The following ITGAL variants were observed in gnomAD, a reference collection of about 807,000 sequenced individuals.
The protein encoded by ITGAL is integrin subunit alpha L, also known as integrin alpha-L.
ITGAL carries 68 observed loss-of-function variants against 138.4 expected under a neutral mutation model. That is an observed-to-expected ratio of 0.49 (90% CI 0.40 to 0.60). The LOEUF (loss-of-function observed/expected upper bound fraction) is 0.60, where lower values mean the gene tolerates loss of function less well. Among genes scored for constraint, ITGAL ranks in the 20% least tolerant of loss-of-function variants. The probability of loss-of-function intolerance (pLI) is 0.00; values close to 1 mark genes in which losing one functional copy is unlikely to be tolerated. For synonymous variants in ITGAL, 561 were observed against 584.3 expected (o/e 0.96, Z 0.57); for missense variants, 1,256 against 1,478.6 (o/e 0.85, Z 2.47).
rs776894895 is a variant in ITGAL, at chr16:30,496,230, A to G, written c.1637A>G (p.Glu546Gly). The G allele has an allele frequency of 8.1e-6, 13 of 1,612,760 alleles. No individual in the cohort carries two copies. The South Asian group carries it at 1.3e-4, about 16-fold the overall frequency. The change falls in exon 14 of 31, where the codon GAG becomes GGG. Residue 546 changes from glutamate (E) to glycine (G), a missense_variant. By Grantham distance (98) the Glu-to-Gly change is moderately conservative. This residue lies in a region of ITGAL where 867 missense variants were observed against 972.5 expected (regional missense o/e 0.89). Transcript: ENST00000356798. Reference protein sequence around the residue: ...LVDVAVGAPLEEQGAVYIFNG... With the variant: ...LVDVAVGAPLGEQGAVYIFNG... ...GACGTGGCTGTGGGGGCCCCTCTGG[A>G]GGAGCAGGGGGCTGTGTACATCTTC...
chr16:30,506,533 T>G (rs2050999577), intron 20 of ITGAL, among the ~76,000 whole-genome samples, 182 bp from the exon 21 acceptor site: 1 of 115,270 alleles, frequency 8.7e-6, no homozygotes, highest in Non-Finnish European at 1.6e-5. Flanking sequence ...CACTCCAGCC[T>G]GGGTGACAGA....
intron 1 of ITGAL, among the ~76,000 whole-genome samples, chr16:30,473,787 T>C (rs1047379096): frequency 7.9e-5 from 12 of 152,038 alleles, no homozygotes; most frequent in African/African-American, 2.7e-4. Context: ...TCTGAGACTG[T>C]GGGAGGAGGC....
At position 30,496,189 on chromosome 16, in the gene ITGAL, C is replaced by T. The variant is rs751774686; in HGVS notation, c.1596C>T (p.Asn532=). The change falls in exon 14 of 31, where the codon AAC becomes AAT. Residue 532 remains asparagine, a synonymous_variant. Transcript: ENST00000356798. ...CCATCACTGCTCTGACAGACATCAA[C>T]GGCGATGGGCTGGTAGACGTGGCTG... is the stretch of plus-strand genomic sequence containing the variant. ...GEAITALTDI[N]GDGLVDVAVG... is the part of the protein sequence containing the mutation. 3.3e-5 allele frequency: 54 copies of T among 1,613,884 alleles called. No individual in the cohort carries two copies. In the East Asian group the frequency reaches 4.5e-4, roughly 13 times the overall value.
At position 30,519,886 on chromosome 16, in the gene ITGAL, G is replaced by A. The variant is rs1353973756; in HGVS notation, c.3258G>A (p.Glu1086=). ...QVVMKVDVVY[E]KQMLYLYVLS... ...TCATGAAGGTTGACGTGGTGTATGAGAAGCAGATGCTCTACCTCTACGTGC... is the reference window on the plus strand; with the variant it reads ...TCATGAAGGTTGACGTGGTGTATGAAAAGCAGATGCTCTACCTCTACGTGC... The change falls in exon 30 of 31, where the codon GAG becomes GAA. Residue 1086 remains glutamate, a synonymous_variant. Transcript: ENST00000356798. The A allele has an allele frequency of 2.5e-6, 4 of 1,614,000 alleles. No homozygotes were observed. The highest frequency in any genetic ancestry group is 3.4e-6 in the Non-Finnish European group (4 of 1,179,932).
Position 30,484,260 on chromosome 16 carries a change from G to T in ITGAL, c.1003G>T (p.Glu335Ter). Residue 335 changes from glutamate to a stop codon, truncating the protein, a stop_gained, in exon 9 of 31, where the codon GAG becomes TAG. Coordinates refer to ENST00000356798, the MANE Select transcript of ITGAL (RefSeq NM_002209.3). LOFTEE classifies it high-confidence loss of function. ...GCTGCAGAAGAAGATCTATGTCATTGAGGGTGAGTGGCAGGCCCTGGGAGA... is the reference window on the plus strand; with the variant it reads ...GCTGCAGAAGAAGATCTATGTCATTTAGGGTGAGTGGCAGGCCCTGGGAGA... ...TELQKKIYVIEGTSKQDLTSF... is the reference protein window; with the variant it reads ...TELQKKIYVI 1.2e-6 allele frequency: 2 copies of T among 1,612,620 alleles called. No individual in the cohort carries two copies. Among genetic ancestry groups the T allele is most frequent in the Non-Finnish European group, 8.5e-7 (1 of 1,178,900 alleles).
intron 17 of ITGAL, among the ~76,000 whole-genome samples, chr16:30,501,632 T>C (rs578235719): frequency 4.4e-4 from 66 of 151,644 alleles, no homozygotes; most frequent in Admixed American, 1.2e-3. Context: ...TCAATCATCA[T>C]GGTATGTTGT....
At chr16:30,517,604 C>G in intron 26 of ITGAL, 45 bp from the exon 27 acceptor site, 1 of 1,551,608 alleles carries the variant, frequency 6.4e-7, no homozygotes, top group Non-Finnish European at 8.9e-7. Flanking sequence ...AGTGTCTTAT[C>G]TGGGTTGGGG....
At chr16:30,473,056 G>A (rs751043529) in intron 1 of ITGAL, among the ~76,000 whole-genome samples, 158 bp downstream of exon 1, 1 of 152,062 alleles carries the variant, frequency 6.6e-6, no homozygotes, top group Non-Finnish European at 1.5e-5. Context: ...AGGGGAGAGT[G>A]GGGAAATAAA....
chr16:30,496,044 T>C (rs1168848220), intron 13 of ITGAL, 53 bp from the exon 14 acceptor site: 5 of 1,400,780 alleles, frequency 3.6e-6, no homozygotes, highest in Non-Finnish European at 5.1e-6. Flanking sequence ...TCAGTTGTTC[T>C]GTGACAGCAT....
intron 2 of ITGAL, 76 bp downstream of exon 2, chr16:30,474,374 C>A: frequency 9.7e-7 from 1 of 1,031,146 alleles, no homozygotes. Flanking sequence ...GCCTCCCCGA[C>A]CCTCGCCTGG....
chr16:30,475,475 G>C (rs777822252), intron 3 of ITGAL, 38 bp from the exon 4 acceptor site: 3 of 1,604,410 alleles, frequency 1.9e-6, no homozygotes, highest in Non-Finnish European at 2.6e-6. Context: ...CACCTAGACT[G>C]CCTGAGCTCC....
intron 15 of ITGAL, among the ~76,000 whole-genome samples, chr16:30,498,540 G>A (rs1365418348): frequency 6.6e-6 from 1 of 152,166 alleles, no homozygotes; most frequent in Non-Finnish European, 1.5e-5. Context: ...CTTCCTAAGA[G>A]CTTTCTCTTC....
chr16:30,473,845 G>A (rs542378044), intron 1 of ITGAL: 603 of 456,276 alleles, frequency 1.3e-3, no homozygotes, highest in Non-Finnish European at 1.9e-3. Context: ...AGGCGCACCC[G>A]GCTCGGGGGC....
chr16:30,519,298 G>A (rs566949876), intron 29 of ITGAL, among the ~76,000 whole-genome samples: 16 of 151,986 alleles, frequency 1.1e-4, no homozygotes, highest in South Asian at 1.0e-3. Context: ...TGGGAGGATC[G>A]TTTGAGCACA....
intron 28 of ITGAL, 58 bp downstream of exon 28, chr16:30,517,953 G>A (rs1267948791): frequency 2.0e-5 from 28 of 1,377,336 alleles, no homozygotes; most frequent in Middle Eastern, 2.3e-4. Context: ...GCCTGGGGCC[G>A]TTGTGGGTGG....
In ITGAL at chr16:30,489,270, G is replaced by C. The variant is rs759219429; in HGVS notation, c.1097G>C (p.Gly366Ala). 4 of 1,614,082 alleles carry C rather than the reference G, an allele frequency of 2.5e-6. No individual in the cohort carries two copies. Among genetic ancestry groups the C allele is most frequent in the Non-Finnish European group, 3.4e-6 (4 of 1,179,914 alleles). ...ADLSRGHAVV[G>A]AVGAKDWAGG... The stretch of plus-strand genomic sequence containing the variant: ...CCTGGGCAGGGCCATGCAGTCGTGG[G>C]GGCAGTAGGAGCCAAGGACTGGGCT... The change falls in exon 11 of 31, where the codon GGG becomes GCG. Residue 366 changes from glycine to alanine, a missense_variant. Gly to Ala is a moderately conservative substitution (Grantham distance 60). Around this residue, in one of 3 missense-constraint regions of ITGAL, gnomAD observed 177 missense variants for 288.8 expected, o/e 0.61. Transcript: ENST00000356798.
In ITGAL at chr16:30,494,264, G is replaced by A. The variant is rs752228822; in HGVS notation, c.1266G>A (p.Ser422=). The change falls in exon 12 of 31, where the codon TCG becomes TCA. Residue 422 remains serine (S), a synonymous_variant. Coordinates refer to ENST00000356798, the MANE Select transcript of ITGAL (RefSeq NM_002209.3). This position sits in a 1 kb window ranked among gnomAD's most constrained non-coding sequence, Gnocchi z 4.2. ...PSRQKTSLLA[S]GAPRYQHMGR... is the part of the protein sequence containing the mutation. Reference sequence around the variant, plus strand: ...GGCAAAAGACTTCGTTGCTGGCCTCGGGAGCCCCTCGATACCAGCACATGG... The same window carrying A: ...GGCAAAAGACTTCGTTGCTGGCCTCAGGAGCCCCTCGATACCAGCACATGG... 8 of 1,612,892 alleles carry A rather than the reference G, an allele frequency of 5.0e-6. No individual in the cohort carries two copies. The highest frequency in any genetic ancestry group is 2.7e-5 in the African/African-American group (2 of 74,896).
At chr16:30,489,489 T>A (rs1567470373) in intron 11 of ITGAL, 103 bp downstream of exon 11, 16 of 1,132,060 alleles carry the variant, frequency 1.4e-5, no homozygotes, top group Non-Finnish European at 1.8e-5. Context: ...GCAACCAGCA[T>A]GAACAAAGTC....
In ITGAL at chr16:30,505,467, G is replaced by A; in HGVS notation, c.2366+5G>A. The A allele has an allele frequency of 6.2e-7, 1 of 1,611,508 alleles. No homozygotes were observed. The highest frequency in any genetic ancestry group is 8.5e-7 in the Non-Finnish European group (1 of 1,178,120). On this transcript the variant is annotated splice_donor_5th_base_variant and intron_variant, in intron 20 of 30. Transcript: ENST00000356798. ...AGTGTCCTTCTCTCCTGCAAGGTCAGTAAGGCCTCCCACCCTCCAGCCTCC... is the reference window on the plus strand; with the variant it reads ...AGTGTCCTTCTCTCCTGCAAGGTCAATAAGGCCTCCCACCCTCCAGCCTCC...
Sources: allele counts gnomAD v4.1 joint callset (sites outside exome capture counted in the v4.1 genomes callset), GRCh38; gene constraint gnomAD v4.1.1; regional missense constraint gnomAD v4.1.1; non-coding constraint Gnocchi (gnomAD v3.1); transcripts MANE v1.5; gene names NCBI Gene and HGNC (gene_info 2026-07-23, HGNC 2026-07-21).